PIP4K2A: variants seen among roughly 807,000 people sequenced by gnomAD.
PIP4K2A encodes phosphatidylinositol 5-phosphate 4-kinase type-2 alpha.
PIP4K2A carries 14 observed loss-of-function variants against 42.9 expected under a neutral mutation model. The observed-to-expected ratio is 0.33, with a 90% CI of 0.22 to 0.51. PIP4K2A has a LOEUF of 0.51. Ranked by LOEUF, PIP4K2A falls within the 20% of genes least tolerant of loss-of-function variation. PIP4K2A has a pLI of 0.97. For synonymous variants in PIP4K2A, 192 were observed against 192.2 expected (o/e 1.00, Z 0.01); for missense variants, 434 against 519.8 (o/e 0.83, Z 1.61).
chr10:22,656,171 A>G (rs187999373), intron 1 of PIP4K2A, among the ~76,000 whole-genome samples: 155 of 152,288 alleles, frequency 1.0e-3, no homozygotes, highest in Admixed American at 2.3e-3. Context: ...TTCCTCATGG[A>G]TGAGTTCTGA....
At chr10:22,685,350 A>G (rs1839743369) in intron 1 of PIP4K2A, among the ~76,000 whole-genome samples, 1 of 152,164 alleles carries the variant, frequency 6.6e-6, no homozygotes. Flanking sequence ...TCATTAAGAC[A>G]ATTTTCCTTG....
chr10:22,536,256 G>A lies in PIP4K2A; in HGVS notation c.*945C>T, dbSNP rs941450441. 2.0e-5 allele frequency: 8 copies of A among 396,868 alleles called. No homozygotes were observed. Among genetic ancestry groups the A allele is most frequent in the African/African-American group, 1.4e-4 (7 of 48,592 alleles). 24.6% of individuals were successfully genotyped at this position (396,868 alleles called of 1,614,324 possible). ...TGCTTTGCTGGTTTTCCCACAGTGG[G>A]AGATGTAGATACCATTGCCCCAAAC... On this transcript the variant is annotated 3_prime_UTR_variant, in exon 10 of 10. Transcript: ENST00000376573.
chr10:22,602,201 T>C (rs901625686), intron 3 of PIP4K2A, among the ~76,000 whole-genome samples: 10 of 151,998 alleles, frequency 6.6e-5, no homozygotes, highest in Admixed American at 5.9e-4. Flanking sequence ...GAGACCAGCC[T>C]GGGCAACATG....
At chr10:22,593,957 C>G (rs1837568072) in intron 3 of PIP4K2A, among the ~76,000 whole-genome samples, 1 of 152,184 alleles carries the variant, frequency 6.6e-6, no homozygotes, top group African/African-American at 2.4e-5. Context: ...TTAGATAGGA[C>G]AGTATAACGT....
chr10:22,604,970 C>G (rs1429166399), intron 3 of PIP4K2A, among the ~76,000 whole-genome samples: 1 of 152,136 alleles, frequency 6.6e-6, no homozygotes, highest in African/African-American at 2.4e-5. Context: ...GACCCTGGAG[C>G]CAGAGCTGTC....
intron 6 of PIP4K2A, among the ~76,000 whole-genome samples, chr10:22,567,350 C>T (rs11013051): frequency 0.22 from 33,777 of 152,138 alleles, 4,606 homozygotes; most frequent in Non-Finnish European, 0.31. Context: ...TCCTTAATTT[C>T]TTAGGCAAAA....
At chr10:22,713,152 C>G (rs997315258) in intron 1 of PIP4K2A, among the ~76,000 whole-genome samples, 1 of 152,228 alleles carries the variant, frequency 6.6e-6, no homozygotes, top group Non-Finnish European at 1.5e-5. Context: ...GATCATGTTT[C>G]CTGATCCTAT....
intron 1 of PIP4K2A, among the ~76,000 whole-genome samples, chr10:22,661,290 T>C (rs1286410215): frequency 2.0e-5 from 3 of 152,068 alleles, no homozygotes; most frequent in Non-Finnish European, 4.4e-5. Context: ...CAAATTCATC[T>C]TGTTTTTGAT....
At chr10:22,641,660 G>C (rs1838786179) in intron 1 of PIP4K2A, among the ~76,000 whole-genome samples, 1 of 151,432 alleles carries the variant, frequency 6.6e-6, no homozygotes, top group Non-Finnish European at 1.5e-5. Context: ...GATCAGCCCA[G>C]CTGGTCTCAA....
chr10:22,608,015 A>C lies in PIP4K2A; in HGVS notation c.251T>G (p.Met84Arg). The change falls in exon 3 of 10, where the codon ATG becomes AGG. Residue 84 changes from methionine to arginine, a missense_variant. Met to Arg is a moderately conservative substitution (Grantham distance 91, BLOSUM62 -1). Transcript: ENST00000376573. ...TTCCTTAAACTTGAAATGGCTCGGC[A>C]TGTTTTCTCTGAAACAGTCACAGCG... ...VDNHLFNKENMPSHFKFKEYC... is the reference protein window; with the variant it reads ...VDNHLFNKENRPSHFKFKEYC... 1 of 1,607,512 alleles carries C rather than the reference A, an allele frequency of 6.2e-7. No individual in the cohort carries two copies.
chr10:22,611,212 G>A (rs968103242), intron 1 of PIP4K2A, among the ~76,000 whole-genome samples: 5 of 151,882 alleles, frequency 3.3e-5, no homozygotes, highest in East Asian at 1.9e-4. Context: ...AACAGAATTC[G>A]TCTCTAACAA....
At chr10:22,611,356 C>T (rs1838033274) in intron 1 of PIP4K2A, among the ~76,000 whole-genome samples, 1 of 151,766 alleles carries the variant, frequency 6.6e-6, no homozygotes, top group African/African-American at 2.4e-5. Context: ...TACCACTGCA[C>T]TCCAGCCTGG....
At chr10:22,700,940 T>C (rs979425266) in intron 1 of PIP4K2A, among the ~76,000 whole-genome samples, 2 of 151,950 alleles carry the variant, frequency 1.3e-5, no homozygotes, top group Non-Finnish European at 2.9e-5. Flanking sequence ...AACCATAAAA[T>C]CAGAAGGAGA....
intron 1 of PIP4K2A, among the ~76,000 whole-genome samples, chr10:22,703,610 T>A (rs1833757120): frequency 6.6e-6 from 1 of 152,008 alleles, no homozygotes; most frequent in Non-Finnish European, 1.5e-5. Context: ...ATCCTGCAGG[T>A]CAGAAAAGGT....
chr10:22,669,749 A>G (rs932872701), intron 1 of PIP4K2A, among the ~76,000 whole-genome samples: 2 of 152,188 alleles, frequency 1.3e-5, no homozygotes, highest in Admixed American at 6.5e-5. Flanking sequence ...AGCTTGGAAG[A>G]CTTTGTGCAA....
intron 4 of PIP4K2A, among the ~76,000 whole-genome samples, chr10:22,575,393 G>C (rs567008125): frequency 6.6e-5 from 10 of 152,174 alleles, no homozygotes; most frequent in African/African-American, 1.9e-4. Context: ...CTCCCATCAC[G>C]AACTACCTTT....
At chr10:22,573,824 G>C (rs747975432) in intron 4 of PIP4K2A, among the ~76,000 whole-genome samples, 8 of 152,210 alleles carry the variant, frequency 5.3e-5, no homozygotes, top group Non-Finnish European at 7.3e-5. Flanking sequence ...CCAAAGCCCT[G>C]ACTACAAGGC....
intron 9 of PIP4K2A, 49 bp downstream of exon 9, chr10:22,539,922 A>AGAGAGG (rs1836058374): frequency 2.0e-6 from 2 of 982,022 alleles, no homozygotes; most frequent in African/African-American, 3.3e-5. Flanking sequence ...GGAGAGAGAG[A>AGAGAGG]GAGAGAGAGG....
chr10:22,683,025 G>A (rs1839692665), intron 1 of PIP4K2A, among the ~76,000 whole-genome samples: 1 of 151,938 alleles, frequency 6.6e-6, no homozygotes, highest in African/African-American at 2.4e-5. Flanking sequence ...TTGCGTAGCT[G>A]AGGCCATTTC....
Sources: gnomAD v4.1 joint callset for allele counts (sites outside exome capture counted in the v4.1 genomes callset) on GRCh38, gnomAD v4.1.1 for gene constraint, MANE v1.5 for transcripts, NCBI Gene and HGNC (gene_info 2026-07-23, HGNC 2026-07-21) for gene names.